BACH2: variants seen among roughly 807,000 people sequenced by gnomAD.
BACH2 encodes the protein BACH transcriptional regulator 2, also known as transcription regulator protein BACH2.
BACH2 carries 5 observed loss-of-function variants against 61.8 expected under a neutral mutation model. That is an observed-to-expected ratio of 0.08 (90% CI 0.04 to 0.17). The LOEUF (loss-of-function observed/expected upper bound fraction) is 0.17. Among genes scored for constraint, BACH2 ranks in the 10% least tolerant of loss-of-function variants. The pLI, the probability that BACH2 is intolerant of heterozygous loss-of-function variation, is 1.00. For missense variants in BACH2, 824 were observed against 1,091.1 expected (o/e 0.76, Z 3.45); for synonymous variants, 446 against 440.1 (o/e 1.01, Z -0.17).
chr6:90,160,035 A>G (rs1229961604), intron 4 of BACH2, among the ~76,000 whole-genome samples: 2 of 152,242 alleles, frequency 1.3e-5, no homozygotes, highest in African/African-American at 4.8e-5. Context: ...CTAAAAACTT[A>G]AAGCTTCTCT....
At chr6:90,190,185 C>T (rs530928248) in intron 4 of BACH2, among the ~76,000 whole-genome samples, 8 of 152,286 alleles carry the variant, frequency 5.3e-5, no homozygotes, top group South Asian at 2.1e-4. Flanking sequence ...CCTTGTGATC[C>T]GCCCTCCTGG....
At chr6:90,111,825 T>C (rs1351219706) in intron 4 of BACH2, among the ~76,000 whole-genome samples, 1 of 152,244 alleles carries the variant, frequency 6.6e-6, no homozygotes, top group Non-Finnish European at 1.5e-5. Flanking sequence ...GTAGGAATCT[T>C]GAATCTTGTG....
At chr6:90,296,106 C>G (rs573619550) in intron 1 of BACH2, among the ~76,000 whole-genome samples, 1 of 152,008 alleles carries the variant, frequency 6.6e-6, no homozygotes, top group Non-Finnish European at 1.5e-5. Flanking sequence ...CTCGCGCGGA[C>G]GCGCGCCTCC....
At chr6:89,979,478 G>A (rs1305757481) in intron 6 of BACH2, among the ~76,000 whole-genome samples, 6 of 152,132 alleles carry the variant, frequency 3.9e-5, no homozygotes, top group Non-Finnish European at 4.4e-5. Context: ...GACAAATATG[G>A]AGAAGGTACT....
intron 1 of BACH2, among the ~76,000 whole-genome samples, chr6:90,277,277 C>T (rs1429076395): frequency 6.6e-6 from 1 of 152,138 alleles, no homozygotes; most frequent in Non-Finnish European, 1.5e-5. Context: ...TATAGTCACA[C>T]AATATAATAC....
At chr6:90,004,303 G>C (rs1777288101) in intron 6 of BACH2, among the ~76,000 whole-genome samples, 1 of 152,176 alleles carries the variant, frequency 6.6e-6, no homozygotes, top group African/African-American at 2.4e-5. Flanking sequence ...TGTTGAGTGA[G>C]AGAGAGAAAG....
At chr6:90,070,726 G>A (rs2127801427) in intron 5 of BACH2, among the ~76,000 whole-genome samples, 1 of 152,256 alleles carries the variant, frequency 6.6e-6, no homozygotes. Flanking sequence ...AGCTGTATCT[G>A]GAAGAAAATT....
At chr6:90,125,632 C>T (rs576615453) in intron 4 of BACH2, among the ~76,000 whole-genome samples, 3 of 152,330 alleles carry the variant, frequency 2.0e-5, no homozygotes, top group African/African-American at 7.2e-5. Flanking sequence ...AAATGGGGGA[C>T]GGGTCAGATG....
intron 5 of BACH2, among the ~76,000 whole-genome samples, chr6:90,027,002 A>G (rs1003842883): frequency 1.3e-5 from 2 of 152,164 alleles, no homozygotes; most frequent in Non-Finnish European, 2.9e-5. Context: ...TCATTCAGGT[A>G]GTGTTTTGAG....
intron 5 of BACH2, among the ~76,000 whole-genome samples, chr6:90,058,997 G>A (rs1780531677): frequency 6.6e-6 from 1 of 152,162 alleles, no homozygotes; most frequent in Non-Finnish European, 1.5e-5. Flanking sequence ...AGACTTAAAT[G>A]TTAGACCTAA....
intron 5 of BACH2, among the ~76,000 whole-genome samples, chr6:90,018,464 G>T (rs1778185085): frequency 6.6e-6 from 1 of 152,012 alleles, no homozygotes; most frequent in African/African-American, 2.4e-5. Flanking sequence ...ACTATCTTTT[G>T]GTTCCTGATG....
intron 2 of BACH2, among the ~76,000 whole-genome samples, chr6:90,262,603 T>C (rs1472555477): frequency 6.6e-6 from 1 of 152,134 alleles, no homozygotes; most frequent in African/African-American, 2.4e-5. Flanking sequence ...CTCACAAAAT[T>C]TGCCTCTGAA....
chr6:90,229,324 G>C (rs1770017813), intron 3 of BACH2, among the ~76,000 whole-genome samples: 1 of 152,236 alleles, frequency 6.6e-6, no homozygotes, highest in Admixed American at 6.5e-5. Flanking sequence ...GCCGGGTGCA[G>C]TGGCCAGCGC....
intron 3 of BACH2, among the ~76,000 whole-genome samples, chr6:90,238,519 T>C (rs1254052848): frequency 6.6e-6 from 1 of 152,154 alleles, no homozygotes; most frequent in African/African-American, 2.4e-5. Flanking sequence ...AAAAACTCAC[T>C]CCTAATAAGA....
At chr6:90,115,392 G>A (rs1023299455) in intron 4 of BACH2, among the ~76,000 whole-genome samples, 14 of 152,096 alleles carry the variant, frequency 9.2e-5, no homozygotes, top group African/African-American at 3.4e-4. Context: ...TCTGATCTTT[G>A]ACAAAGCTGA....
chr6:90,292,563 C>T (rs1426930979), intron 1 of BACH2, among the ~76,000 whole-genome samples: 2 of 152,228 alleles, frequency 1.3e-5, no homozygotes, highest in Non-Finnish European at 2.9e-5. Flanking sequence ...GGAAGCTGAT[C>T]AATCCCTGAG....
chr6:89,998,172 T>A (rs1382225725), intron 6 of BACH2, among the ~76,000 whole-genome samples: 3 of 152,180 alleles, frequency 2.0e-5, no homozygotes, highest in Non-Finnish European at 2.9e-5. Context: ...CCCAGCATTT[T>A]TTTTTTTCCT....
chr6:90,124,635 C>T (rs983615155), intron 4 of BACH2, among the ~76,000 whole-genome samples: 7 of 152,278 alleles, frequency 4.6e-5, no homozygotes, highest in East Asian at 3.9e-4. Context: ...AATATATGTA[C>T]GGTATTCTTT....
At chr6:89,986,968 G>A (rs1415860890) in intron 6 of BACH2, among the ~76,000 whole-genome samples, 1 of 152,150 alleles carries the variant, frequency 6.6e-6, no homozygotes, top group Admixed American at 6.5e-5. Context: ...GCTGCTTGAT[G>A]GATCAATGTT....
Sources: allele counts gnomAD v4.1 joint callset (sites outside exome capture counted in the v4.1 genomes callset), GRCh38; gene constraint gnomAD v4.1.1; transcripts MANE v1.5; gene names NCBI Gene and HGNC (gene_info 2026-07-23, HGNC 2026-07-21).